The following RPH3AL variants were observed in gnomAD, a reference collection of about 807,000 sequenced individuals.
RPH3AL encodes the protein rabphilin 3A like (without C2 domains), also known as rab effector Noc2.
In RPH3AL, 38 loss-of-function variants were observed where a neutral mutation model predicts 43.1. That is an observed-to-expected ratio of 0.88 (90% CI 0.68 to 1.15). The LOEUF is 1.15. Ranked by LOEUF, RPH3AL falls within the 50% of genes most tolerant of loss-of-function variation. RPH3AL has a pLI of 0.00. For missense variants in RPH3AL, 462 were observed against 423.2 expected (o/e 1.09, Z -0.81); for synonymous variants, 189 against 176.3 (o/e 1.07, Z -0.57).
Position 334,597 on chromosome 17 carries a change from G to A in RPH3AL, c.-212-663C>T, listed in dbSNP as rs71354714. Among the ~76,000 whole-genome samples the A allele has an allele frequency of 1.0e-3, 72 of 68,928 alleles. 1 individual carries two copies. Among genetic ancestry groups the A allele is most frequent in the Middle Eastern group, 0.023 (2 of 88 alleles). 45.2% of individuals were successfully genotyped at this position (68,928 alleles called of 152,430 possible). A position where few individuals can be genotyped will look rare whatever the true frequency, so the allele number is the denominator to read the frequency against. ...AGCCCATCCACTGTGGAGGGACAGG[G>A]ACAAGGACAGGGACAAGGCAACCAC... is the stretch of plus-strand genomic sequence containing the variant. On this transcript the variant is annotated intron_variant, in intron 1 of 9. Coordinates refer to ENST00000331302, the MANE Select transcript of RPH3AL (RefSeq NM_006987.4).
intron 1 of RPH3AL, among the ~76,000 whole-genome samples, chr17:348,535 G>GGA (rs2045289275): frequency 7.2e-6 from 1 of 139,686 alleles, no homozygotes; most frequent in Non-Finnish European, 1.6e-5. Context: ...CACTGTTCAA[G>GGA]AAAAAAAAAA....
intron 6 of RPH3AL, among the ~76,000 whole-genome samples, chr17:271,328 C>T (rs919051239): frequency 2.0e-5 from 3 of 152,102 alleles, no homozygotes; most frequent in African/African-American, 4.8e-5. Flanking sequence ...CATTGGTAGC[C>T]TGATGGGGAT....
chr17:348,931 C>A (rs1434771596), intron 1 of RPH3AL: 2 of 152,186 alleles, frequency 1.3e-5, no homozygotes, highest in African/African-American at 4.8e-5. Context: ...GGAGAAGGGT[C>A]ACCTCCATTG....
rs1483166344 is a variant in RPH3AL, at chr17:283,511, CCAAGCCTCAGCCA to C, written c.352-1670_352-1658del. Among the ~76,000 whole-genome samples the C allele has an allele frequency of 6.6e-6, 1 of 152,156 alleles. No individual in the cohort carries two copies. The highest frequency in any genetic ancestry group is 1.5e-5 in the Non-Finnish European group (1 of 68,028). ...CCTCTGGATTGGCAGGAAAATCTGC[CCAAGCCTCAGCCA>C]CACTTGGGGCCCCTTTCCAGCTCTC... On this transcript the variant is annotated intron_variant, in intron 5 of 9. Transcript: ENST00000331302. This position sits in a 1 kb window ranked among gnomAD's most constrained non-coding sequence, Gnocchi z 4.2.
chr17:239,617 C>T (rs915038139), intron 7 of RPH3AL, among the ~76,000 whole-genome samples: 1 of 152,024 alleles, frequency 6.6e-6, no homozygotes, highest in East Asian at 1.9e-4. Flanking sequence ...CCTCCCGATT[C>T]TGTTTTGTTT....
At chr17:295,292 G>A (rs2043148341) in intron 5 of RPH3AL, among the ~76,000 whole-genome samples, 2 of 144,834 alleles carry the variant, frequency 1.4e-5, no homozygotes, top group African/African-American at 2.6e-5. Flanking sequence ...AGATGCTGCA[G>A]AAATGGACGG....
intron 7 of RPH3AL, among the ~76,000 whole-genome samples, chr17:235,247 G>A (rs34366665): frequency 0.14 from 14,868 of 108,800 alleles, 1,012 homozygotes; most frequent in Non-Finnish European, 0.15. Flanking sequence ...AACAAGACGG[G>A]TCCAGGGTCC....
chr17:337,086 C>T lies in RPH3AL; in HGVS notation c.-212-3152G>A, dbSNP rs562078778. 2.2e-3 allele frequency among the ~76,000 whole-genome samples: 332 copies of T among 152,004 alleles called. 1 individual carries two copies. Among genetic ancestry groups the T allele is most frequent in the African/African-American group, 7.6e-3 (314 of 41,488 alleles). ...TAATTTAACCGTCAAGAGTTTGCCA[C>T]TCACTGGAACTACGTACATCGGTTA... On this transcript the variant is annotated intron_variant, in intron 1 of 9. Coordinates refer to ENST00000331302, the MANE Select transcript of RPH3AL (RefSeq NM_006987.4).
chr17:300,709 A>G (rs1555564504), intron 5 of RPH3AL, among the ~76,000 whole-genome samples: 158 of 111,032 alleles, frequency 1.4e-3, no homozygotes, highest in East Asian at 7.7e-3. Flanking sequence ...CCCAGCCTAG[A>G]CCTGCAGAAT....
intron 4 of RPH3AL, among the ~76,000 whole-genome samples, chr17:319,893 G>A (rs1369681074): frequency 2.5e-4 from 2 of 8,134 alleles, no homozygotes; most frequent in Non-Finnish European, 2.2e-4. Context: ...GGAAATAGTG[G>A]GGGGAGGGAG....
intron 7 of RPH3AL, among the ~76,000 whole-genome samples, chr17:240,378 C>T (rs867426496): frequency 3.3e-5 from 5 of 152,242 alleles, no homozygotes; most frequent in African/African-American, 2.4e-5. Flanking sequence ...CATACGTTTA[C>T]GTAACCACCA....
chr17:331,958 C>G, intron 2 of RPH3AL: 1 of 1,070,782 alleles, frequency 9.3e-7, no homozygotes, highest in African/African-American at 1.6e-5. Flanking sequence ...GAAGGCAAAC[C>G]CCCAAATTCA....
intron 2 of RPH3AL, chr17:331,536 G>A (rs764817341): frequency 2.5e-5 from 31 of 1,240,788 alleles, no homozygotes; most frequent in Non-Finnish European, 3.0e-5. Context: ...TCCTTCACTC[G>A]CACGGAGCAA....
At chr17:345,007 G>T (rs1189855279) in intron 1 of RPH3AL, among the ~76,000 whole-genome samples, 2 of 135,718 alleles carry the variant, frequency 1.5e-5, no homozygotes, top group Non-Finnish European at 3.4e-5. Flanking sequence ...AACCATCCTG[G>T]CCTGTAATCC....
At chr17:317,783 C>A in intron 5 of RPH3AL, among the ~76,000 whole-genome samples, 1 of 152,206 alleles carries the variant, frequency 6.6e-6, no homozygotes, top group East Asian at 1.9e-4. Context: ...TTGGTTTTCT[C>A]ATCCAGCTTT....
At chr17:250,875 G>A (rs369221559) in intron 6 of RPH3AL, among the ~76,000 whole-genome samples, 32 of 151,604 alleles carry the variant, frequency 2.1e-4, no homozygotes, top group East Asian at 1.6e-3. Context: ...AAGCTCCGTC[G>A]CTGTGGGACC....
At position 281,823 on chromosome 17, in the gene RPH3AL, G is replaced by A. The variant is rs146662143; in HGVS notation, c.383C>T (p.Ser128Phe). The change falls in exon 6 of 10, where the codon TCC becomes TTC. Residue 128 changes from serine (S) to phenylalanine (F), a missense_variant. Transcript: ENST00000331302. ...KVCTKCGIEA[S>F]PGQKRPLWLC... ...CCACAGGGGCCGCTTCTGGCCAGGGGAGGCCTCGATCCCACATTTGGTGCA... is the reference window on the plus strand; with the variant it reads ...CCACAGGGGCCGCTTCTGGCCAGGGAAGGCCTCGATCCCACATTTGGTGCA... The A allele has an allele frequency of 3.4e-5, 55 of 1,614,046 alleles. 1 individual carries two copies. The highest frequency in any genetic ancestry group is 3.3e-4 in the Middle Eastern group (2 of 6,064).
Position 222,652 on chromosome 17 carries a change from T to C in RPH3AL, c.614-2916A>G, listed in dbSNP as rs117951763. On this transcript the variant is annotated intron_variant, in intron 7 of 9. Coordinates refer to ENST00000331302, the MANE Select transcript of RPH3AL (RefSeq NM_006987.4). ...GAAATGTACATCCATTCACCAATCT[T>C]TTGATGCCAGGCTTGGGTGCTTCTG... is the stretch of plus-strand genomic sequence containing the variant. 1.9e-4 allele frequency among the ~76,000 whole-genome samples: 29 copies of C among 152,324 alleles called. 1 individual carries two copies. The East Asian group carries it at 5.2e-3, about 27-fold the overall frequency.
intron 7 of RPH3AL, among the ~76,000 whole-genome samples, chr17:231,711 T>G (rs2041235417): frequency 6.6e-6 from 1 of 152,198 alleles, no homozygotes; most frequent in Non-Finnish European, 1.5e-5. Flanking sequence ...GGCTGGCCCT[T>G]GGGGGCTGGG....
Sources: gnomAD v4.1 joint callset for allele counts (sites outside exome capture counted in the v4.1 genomes callset) on GRCh38, gnomAD v4.1.1 for gene constraint, Gnocchi (gnomAD v3.1) non-coding constraint, MANE v1.5 for transcripts, NCBI Gene and HGNC (gene_info 2026-07-23, HGNC 2026-07-21) for gene names.